SLC26A4: variants seen among roughly 807,000 people sequenced by gnomAD.
SLC26A4 encodes solute carrier family 26 member 4.
Under a neutral mutation model 90.4 loss-of-function variants are expected in SLC26A4, and 93 were observed. That is an observed-to-expected ratio of 1.03 (90% confidence interval 0.87 to 1.22). The LOEUF (loss-of-function observed/expected upper bound fraction) is 1.22. SLC26A4 is among the 50% of genes most tolerant of loss of function. The pLI, the probability that SLC26A4 is intolerant of heterozygous loss-of-function variation, is 0.00. For synonymous variants in SLC26A4, 393 were observed against 354.6 expected, an observed-to-expected ratio of 1.11 and a Z score of -1.22; for missense variants, 1,127 against 946.2, an observed-to-expected ratio of 1.19 and a Z score of -2.51.
chr7:107,706,011 G>A (rs1792028000), intron 18 of SLC26A4, among the ~76,000 whole-genome samples: 1 of 152,170 alleles, frequency 6.6e-6, no homozygotes, highest in South Asian at 2.1e-4. Context: ...GAGTGTTGTA[G>A]CCAGATATTA....
chr7:107,712,649 T>TG, intron 20 of SLC26A4, 27 bp downstream of exon 20: 2 of 1,146,226 alleles, frequency 1.7e-6, no homozygotes, highest in Non-Finnish European at 2.7e-6. Context: ...CTGAAGAAAA[T>TG]ATTTGAATTA....
rs955397851 is a variant in SLC26A4 at position 107,687,496 on chromosome 7, C to T, written c.1002-1557C>T. ...AATTACTTACTTACACAAGTGATTC[C>T]TCATTGAATCATATGAGAAGAATAT... On this transcript the variant is annotated intron_variant, in intron 8 of 20. Transcript: ENST00000644269. 1.3e-5 allele frequency among the ~76,000 whole-genome samples: 2 copies of T among 152,272 alleles called. 1 individual carries two copies. The highest frequency in any genetic ancestry group is 1.3e-4 in the Admixed American group (2 of 15,280).
chr7:107,709,962 C>G (rs571402484), intron 18 of SLC26A4, 92 bp from the exon 19 acceptor site: 13 of 1,093,724 alleles, frequency 1.2e-5, no homozygotes, highest in South Asian at 5.3e-5. Context: ...CACTGCACTC[C>G]AGCCTGGGCA....
At chr7:107,691,548 C>CACACACACAA (rs1554359078) in intron 10 of SLC26A4, among the ~76,000 whole-genome samples, 2 of 144,110 alleles carry the variant, frequency 1.4e-5, no homozygotes, top group Non-Finnish European at 1.5e-5. Flanking sequence ...CACACACAAA[C>CACACACACAA]ATATATATAT....
At chr7:107,662,261 G>A (rs1381703210) in intron 2 of SLC26A4, 2 of 164,790 alleles carry the variant, frequency 1.2e-5, no homozygotes, top group Non-Finnish European at 2.6e-5. Flanking sequence ...CTAGAACCCA[G>A]GGGAGCGCGG....
chr7:107,689,822 T>C (rs1269376815), intron 9 of SLC26A4, among the ~76,000 whole-genome samples: 1 of 152,188 alleles, frequency 6.6e-6, no homozygotes, highest in African/African-American at 2.4e-5. Flanking sequence ...AAAAACACTT[T>C]ATGTGAGAGC....
At chr7:107,700,929 AG>A (rs1442391659) in intron 15 of SLC26A4, among the ~76,000 whole-genome samples, 171 bp from the exon 16 acceptor site, 2 of 151,216 alleles carry the variant, frequency 1.3e-5, no homozygotes, top group African/African-American at 4.9e-5. Flanking sequence ...GGGTAGGAGT[AG>A]GGTAGCCTGG....
chr7:107,661,748 A>T lies in SLC26A4; in HGVS notation c.107A>T (p.His36Leu). ...AGCGAGCTCGCTTTCCAGCAACAGC[A>T]CGAGCGGCGCCTGCAGGAGCGCAAG... ...VYSELAFQQQ[H>L]ERRLQERKTL... Residue 36 changes from histidine (H) to leucine (L), a missense_variant, in exon 2 of 21, where the codon CAC becomes CTC. Coordinates refer to ENST00000644269, the MANE Select transcript of SLC26A4 (RefSeq NM_000441.2). The surrounding 1 kb of genome is among the most constrained non-coding windows in gnomAD (Gnocchi z 5.1). 6.5e-7 allele frequency: 1 copy of T among 1,548,484 alleles called. No homozygotes were observed. The highest frequency in any genetic ancestry group is 8.7e-7 in the Non-Finnish European group (1 of 1,150,408).
At chr7:107,713,962 T>C (rs1262855940) in intron 20 of SLC26A4, among the ~76,000 whole-genome samples, 1 of 152,110 alleles carries the variant, frequency 6.6e-6, no homozygotes, top group Non-Finnish European at 1.5e-5. Flanking sequence ...TCACCTGGAC[T>C]GGAGTGCAGT....
In SLC26A4 at chr7:107,715,446, A is replaced by G; in HGVS notation, c.2343A>G (p.Ter781TrpextTer42). ...AGGCTATGCGTACACTTGCATCCTG[A>G]AAGTGGGTTCGGGAGGTCTCTATGA... ...QDEAMRTLAS[*>W] Residue 781 changes from the stop codon to tryptophan (W), a stop_lost, in exon 21 of 21, where the codon TGA becomes TGG. Coordinates refer to ENST00000644269, the MANE Select transcript of SLC26A4 (RefSeq NM_000441.2). The G allele has an allele frequency of 6.2e-7, 1 of 1,612,940 alleles. No individual in the cohort carries two copies. Among genetic ancestry groups the G allele is most frequent in the Non-Finnish European group, 8.5e-7 (1 of 1,178,908 alleles).
In SLC26A4 at chr7:107,711,138, T is replaced by TA. The variant is rs1792173799; in HGVS notation, c.2235+942dup. 2.0e-5 allele frequency among the ~76,000 whole-genome samples: 3 copies of TA among 148,004 alleles called. No homozygotes were observed. The South Asian group carries it at 6.3e-4, about 31-fold the overall frequency. On this transcript the variant is annotated intron_variant, in intron 19 of 20. Transcript: ENST00000644269. ...GTCCTAACTACCAAGCTGTGGATCT[T>TA]AAATATAAAAAAGGAAAAAAAAAAA...
chr7:107,675,230 C>T (rs1286242233), intron 6 of SLC26A4, 121 bp downstream of exon 6: 1 of 850,892 alleles, frequency 1.2e-6, no homozygotes, highest in African/African-American at 1.8e-5. Context: ...CTTTGGAAGG[C>T]CGAGGTGGGC....
At chr7:107,705,984 G>C (rs1416508409) in intron 18 of SLC26A4, among the ~76,000 whole-genome samples, 1 of 152,222 alleles carries the variant, frequency 6.6e-6, no homozygotes, top group Non-Finnish European at 1.5e-5. Flanking sequence ...GAACTGAGTA[G>C]TTCTTGGTCT....
intron 3 of SLC26A4, among the ~76,000 whole-genome samples, chr7:107,667,797 G>A (rs889759081): frequency 1.3e-5 from 2 of 152,160 alleles, no homozygotes; most frequent in African/African-American, 4.8e-5. Context: ...TTAAAGGCAG[G>A]AGGGATATTT....
At position 107,697,123 on chromosome 7, in the gene SLC26A4, C is replaced by T. The variant is rs191703242; in HGVS notation, c.1545-919C>T. On this transcript the variant is annotated intron_variant, in intron 13 of 20. Coordinates refer to ENST00000644269, the MANE Select transcript of SLC26A4 (RefSeq NM_000441.2). ...AAGTTCTCAATTTGCTTCTAGGACACGTCTCAGAAACGCTCCTTAGAAGAT... is the reference window on the plus strand; with the variant it reads ...AAGTTCTCAATTTGCTTCTAGGACATGTCTCAGAAACGCTCCTTAGAAGAT... Among the ~76,000 whole-genome samples, 12 of 152,302 alleles carry T rather than the reference C, an allele frequency of 7.9e-5. No individual in the cohort carries two copies. In the East Asian group the frequency reaches 2.1e-3, roughly 27 times the overall value.
At chr7:107,677,044 G>A (rs1791041745) in intron 6 of SLC26A4, among the ~76,000 whole-genome samples, 1 of 152,086 alleles carries the variant, frequency 6.6e-6, no homozygotes, top group African/African-American at 2.4e-5. Flanking sequence ...ATGCATTGTG[G>A]CACGCACCTG....
intron 6 of SLC26A4, among the ~76,000 whole-genome samples, chr7:107,681,793 G>T (rs1021382128): frequency 1.7e-4 from 26 of 151,938 alleles, no homozygotes; most frequent in Non-Finnish European, 5.9e-5. Context: ...TCTACTTAAA[G>T]ATTTTTTTTG....
intron 18 of SLC26A4, among the ~76,000 whole-genome samples, chr7:107,704,896 G>C (rs1167959937): frequency 1.3e-5 from 2 of 152,188 alleles, no homozygotes; most frequent in African/African-American, 4.8e-5. Context: ...TGAAACTTTA[G>C]CATGAGTGAC....
At chr7:107,682,567 T>C (rs1310113375) in intron 6 of SLC26A4, among the ~76,000 whole-genome samples, 1 of 152,134 alleles carries the variant, frequency 6.6e-6, no homozygotes, top group African/African-American at 2.4e-5. Context: ...TTTTGTAATT[T>C]TTTGTTATTA....
Sources: allele counts gnomAD v4.1 joint callset (sites outside exome capture counted in the v4.1 genomes callset), GRCh38; gene constraint gnomAD v4.1.1; non-coding constraint Gnocchi (gnomAD v3.1); transcripts MANE v1.5; gene names NCBI Gene and HGNC (gene_info 2026-07-23, HGNC 2026-07-21).